Variants in SGCD observed in about 807,000 individuals in gnomAD.
The protein encoded by SGCD is delta-sarcoglycan.
In SGCD, 18 loss-of-function variants were observed where a neutral mutation model predicts 36.6. The observed-to-expected ratio is 0.49, with a 90% CI of 0.34 to 0.73. The LOEUF (loss-of-function observed/expected upper bound fraction) is 0.73, where lower values mean the gene tolerates loss of function less well. Ranked by LOEUF, SGCD falls within the 30% of genes least tolerant of loss-of-function variation. The pLI is 0.01. For synonymous variants in SGCD, 133 were observed against 130.6 expected, an observed-to-expected ratio of 1.02 and a Z score of -0.12; for missense variants, 387 against 346.7, an observed-to-expected ratio of 1.12 and a Z score of -0.92.
intron 3 of SGCD, among the ~76,000 whole-genome samples, chr5:156,185,461 G>A (rs536229802): frequency 4.6e-5 from 7 of 152,046 alleles, no homozygotes; most frequent in South Asian, 2.1e-4. Flanking sequence ...TGATCCGCCC[G>A]CCTTGGCCTC....
At chr5:155,729,354 C>A in the SGCD span, among the ~76,000 whole-genome samples, 1 of 152,224 alleles carries the variant, frequency 6.6e-6, no homozygotes, top group African/African-American at 2.4e-5. Flanking sequence ...CAGACCTAGC[C>A]CTTAGGGCAG....
At position 156,715,088 on chromosome 5, in the gene SGCD, T is replaced by C. The variant is rs957365949; in HGVS notation, c.576-42493T>C. Among the ~76,000 whole-genome samples, 9 of 152,216 alleles carry C rather than the reference T, an allele frequency of 5.9e-5. No homozygotes were observed. The East Asian group carries it at 1.2e-3, about 20-fold the overall frequency. Reference sequence around the variant, plus strand: ...GGCACAATTCATTCCACCTCCAGAGTAGCGAAGCTTCAGGAAACCATCTTC... The same window carrying C: ...GGCACAATTCATTCCACCTCCAGAGCAGCGAAGCTTCAGGAAACCATCTTC... On this transcript the variant is annotated intron_variant, in intron 7 of 8. Coordinates refer to ENST00000337851, the MANE Select transcript of SGCD (RefSeq NM_000337.6).
chr5:156,313,973 T>G (rs915265225), intron 3 of SGCD, among the ~76,000 whole-genome samples: 1 of 151,612 alleles, frequency 6.6e-6, no homozygotes, highest in Non-Finnish European at 1.5e-5. Flanking sequence ...TTATCACCTT[T>G]TTATACGTCC....
the SGCD span, among the ~76,000 whole-genome samples, chr5:155,848,732 A>G: frequency 1.3e-5 from 2 of 152,172 alleles, no homozygotes; most frequent in Non-Finnish European, 2.9e-5. Flanking sequence ...AGAGTAAAGT[A>G]TCTGTGTCTT....
chr5:156,697,922 C>T (rs1276288986), intron 7 of SGCD, among the ~76,000 whole-genome samples: 3 of 152,256 alleles, frequency 2.0e-5, no homozygotes, highest in East Asian at 1.9e-4. Flanking sequence ...AGATGTTTCT[C>T]TCTCTCAAGT....
intron 1 of SGCD, among the ~76,000 whole-genome samples, chr5:156,106,474 G>A (rs575156553): frequency 1.1e-4 from 17 of 152,312 alleles, no homozygotes; most frequent in African/African-American, 4.1e-4. Flanking sequence ...TTAGCTTTGT[G>A]AAATACTATC....
At chr5:156,552,155 T>C (rs1452351560) in intron 4 of SGCD, among the ~76,000 whole-genome samples, 1 of 152,186 alleles carries the variant, frequency 6.6e-6, no homozygotes, top group Non-Finnish European at 1.5e-5. Flanking sequence ...TCCCCACTGC[T>C]CATGCCACAG....
At chr5:156,304,114 G>GT (rs1767135049) in intron 3 of SGCD, among the ~76,000 whole-genome samples, 1 of 152,128 alleles carries the variant, frequency 6.6e-6, no homozygotes, top group Admixed American at 6.5e-5. Context: ...GCCTATAGTG[G>GT]TGGGCTAGCC....
chr5:156,561,112 A>G (rs1333471927), intron 4 of SGCD, among the ~76,000 whole-genome samples: 1 of 152,238 alleles, frequency 6.6e-6, no homozygotes, highest in Non-Finnish European at 1.5e-5. Flanking sequence ...AAAAATATGG[A>G]GAGACGTACC....
chr5:155,833,068 A>AAAAAAAAAAAAG, the SGCD span, among the ~76,000 whole-genome samples: 4 of 142,642 alleles, frequency 2.8e-5, no homozygotes, highest in Non-Finnish European at 6.0e-5. Context: ...AAAAAAAAAA[A>AAAAAAAAAAAAG]AAAGAAAAAA....
intron 1 of SGCD, among the ~76,000 whole-genome samples, chr5:156,099,476 G>A (rs560951475): frequency 2.0e-5 from 3 of 152,220 alleles, no homozygotes; most frequent in East Asian, 1.9e-4. Context: ...ATGCAGTGGC[G>A]CCATCTTGGC....
chr5:156,027,005 G>T (rs1759238716), intron 1 of SGCD, among the ~76,000 whole-genome samples: 1 of 152,166 alleles, frequency 6.6e-6, no homozygotes, highest in Admixed American at 6.6e-5. Context: ...TGGTCTATAG[G>T]TGATAGTTTG....
chr5:156,518,422 G>A (rs59979744), intron 4 of SGCD, among the ~76,000 whole-genome samples: 21 of 152,122 alleles, frequency 1.4e-4, no homozygotes, highest in East Asian at 1.4e-3. Flanking sequence ...AATATTAGAC[G>A]GATCATCAAC....
intron 3 of SGCD, among the ~76,000 whole-genome samples, chr5:156,124,536 G>A (rs934988014): frequency 2.6e-5 from 4 of 151,964 alleles, no homozygotes; most frequent in South Asian, 2.1e-4. Context: ...AAAAGGTCTC[G>A]ATTATTTTTT....
At chr5:156,615,058 T>C (rs1177409145) in intron 6 of SGCD, among the ~76,000 whole-genome samples, 2 of 152,260 alleles carry the variant, frequency 1.3e-5, no homozygotes, top group Admixed American at 6.5e-5. Context: ...AAAGTTAGTA[T>C]GCAAGATGAG....
chr5:156,432,681 G>T (rs574522728), intron 3 of SGCD, among the ~76,000 whole-genome samples: 10 of 152,222 alleles, frequency 6.6e-5, no homozygotes, highest in Admixed American at 6.5e-4. Flanking sequence ...GACTGCTGGG[G>T]TAATGTTCCA....
intron 1 of SGCD, among the ~76,000 whole-genome samples, chr5:155,881,778 A>G (rs1755893115): frequency 6.6e-6 from 1 of 152,176 alleles, no homozygotes; most frequent in African/African-American, 2.4e-5. Flanking sequence ...AGTTTATAGA[A>G]TTTTCTAAAC....
the SGCD span, among the ~76,000 whole-genome samples, chr5:155,789,850 T>C: frequency 1.3e-5 from 2 of 152,120 alleles, no homozygotes; most frequent in Non-Finnish European, 2.9e-5. Flanking sequence ...CCAAAGTTAG[T>C]AATTGACAAA....
chr5:156,112,576 T>G (rs1262328362), intron 1 of SGCD, among the ~76,000 whole-genome samples: 1 of 151,944 alleles, frequency 6.6e-6, no homozygotes, highest in Non-Finnish European at 1.5e-5. Context: ...TATGGTTTGG[T>G]TTTTTTTGAG....
Sources: allele counts gnomAD v4.1 joint callset (sites outside exome capture counted in the v4.1 genomes callset), GRCh38; gene constraint gnomAD v4.1.1; transcripts MANE v1.5; gene names NCBI Gene and HGNC (gene_info 2026-07-23, HGNC 2026-07-21).